Variants in CFAP20DC observed in about 807,000 individuals in gnomAD.
The protein encoded by CFAP20DC is CFAP20 domain containing.
In CFAP20DC, 84 loss-of-function variants were observed where a neutral mutation model predicts 101.7. That is an observed-to-expected ratio of 0.83 (90% CI 0.69 to 0.99). The LOEUF (loss-of-function observed/expected upper bound fraction) is 0.99, where lower values mean the gene tolerates loss of function less well. Among genes scored for constraint, CFAP20DC ranks in the 50% least tolerant of loss-of-function variants. The pLI, the probability that CFAP20DC is intolerant of heterozygous loss-of-function variation, is 0.00. For missense variants in CFAP20DC, 1,007 were observed against 970.3 expected (o/e 1.04, Z -0.50); for synonymous variants, 359 against 351.2 (o/e 1.02, Z -0.25).
chr3:58,725,268 G>A (rs1422611489), intron 3 of CFAP20DC, among the ~76,000 whole-genome samples: 2 of 152,206 alleles, frequency 1.3e-5, no homozygotes, highest in African/African-American at 2.4e-5. Context: ...CATCAGTGGA[G>A]AGCTCTGGCC....
At chr3:58,975,283 T>G (rs1170677804) in intron 4 of CFAP20DC, among the ~76,000 whole-genome samples, 1 of 152,210 alleles carries the variant, frequency 6.6e-6, no homozygotes, top group Non-Finnish European at 1.5e-5. Context: ...TTCAGAGTAC[T>G]TACCACAATT....
At chr3:58,826,137 A>G (rs1013668399) in intron 14 of CFAP20DC, among the ~76,000 whole-genome samples, 2 of 152,174 alleles carry the variant, frequency 1.3e-5, no homozygotes, top group Admixed American at 6.5e-5. Flanking sequence ...TCCTATTTGC[A>G]ATCAGGCCCT....
In CFAP20DC at chr3:58,861,025, T is replaced by A. The variant is rs1406823988; in HGVS notation, c.1593+2533A>T. Among the ~76,000 whole-genome samples, 1 of 152,170 alleles carries A rather than the reference T, an allele frequency of 6.6e-6. No individual in the cohort carries two copies. The highest frequency in any genetic ancestry group is 6.5e-5 in the Admixed American group (1 of 15,282). On this transcript the variant is annotated intron_variant, in intron 12 of 16. Coordinates refer to ENST00000482387, the MANE Select transcript of CFAP20DC (RefSeq NM_001394063.1). The surrounding 1 kb of genome is among the most constrained non-coding windows in gnomAD (Gnocchi z 4.0). ...GTTATATGCAAAAAATTCATACTTT[T>A]GAGGCTCCAACACTAAGATCTCAGA...
chr3:59,049,536 T>C (rs1277019271), intron 1 of CFAP20DC, 75 bp downstream of exon 1: 10 of 1,360,466 alleles, frequency 7.4e-6, no homozygotes, highest in African/African-American at 4.3e-5. Context: ...GTGCACTTTA[T>C]CCTCACCCCG....
intron 7 of CFAP20DC, among the ~76,000 whole-genome samples, chr3:58,876,778 C>T (rs2080788076): frequency 6.6e-6 from 1 of 152,154 alleles, no homozygotes; most frequent in Admixed American, 6.5e-5. Flanking sequence ...CATATCTAAT[C>T]ACTGAGGGGT....
intron 15 of CFAP20DC, among the ~76,000 whole-genome samples, chr3:58,761,016 C>T (rs2069526288): frequency 6.6e-6 from 1 of 152,082 alleles, no homozygotes; most frequent in African/African-American, 2.4e-5. Flanking sequence ...TGTGTCTCTG[C>T]CAGGCTTTGG....
intron 1 of CFAP20DC, among the ~76,000 whole-genome samples, chr3:59,048,569 A>G (rs993385305): frequency 6.6e-6 from 1 of 152,126 alleles, no homozygotes; most frequent in African/African-American, 2.4e-5. Flanking sequence ...TTTTTTTGAT[A>G]ATATATTTTA....
chr3:59,046,691 G>A (rs1699890565), intron 2 of CFAP20DC, among the ~76,000 whole-genome samples: 1 of 152,158 alleles, frequency 6.6e-6, no homozygotes, highest in Non-Finnish European at 1.5e-5. Context: ...TCCCAATGAA[G>A]TTGAAGAAGA....
At chr3:58,890,494 A>C (rs528710337) in intron 6 of CFAP20DC, among the ~76,000 whole-genome samples, 2 of 139,266 alleles carry the variant, frequency 1.4e-5, no homozygotes, top group African/African-American at 2.8e-5. Context: ...GGGGCTCCTC[A>C]CTTCCCAGTA....
At chr3:58,723,613 T>C (rs1442805229) in intron 3 of CFAP20DC, among the ~76,000 whole-genome samples, 1 of 152,208 alleles carries the variant, frequency 6.6e-6, no homozygotes, top group African/African-American at 2.4e-5. Flanking sequence ...TCTGGATGAA[T>C]GTGAGTGGTG....
At chr3:58,891,823 T>C (rs1270251840) in intron 6 of CFAP20DC, among the ~76,000 whole-genome samples, 2 of 152,240 alleles carry the variant, frequency 1.3e-5, no homozygotes, top group East Asian at 1.9e-4. Flanking sequence ...AGCCCATTTG[T>C]CTATTTTGAA....
intron 4 of CFAP20DC, among the ~76,000 whole-genome samples, chr3:58,969,123 T>C (rs1022957363): frequency 2.6e-5 from 4 of 152,182 alleles, no homozygotes; most frequent in African/African-American, 9.6e-5. Context: ...TGTAGTATAG[T>C]TGATGTCAGG....
intron 15 of CFAP20DC, among the ~76,000 whole-genome samples, chr3:58,762,743 A>C (rs2069772988): frequency 6.6e-6 from 1 of 151,340 alleles, no homozygotes; most frequent in African/African-American, 2.4e-5. Context: ...GTGGTGACAA[A>C]ATCTCTCAGC....
At chr3:58,800,873 T>A (rs1200554005) in intron 15 of CFAP20DC, among the ~76,000 whole-genome samples, 2 of 152,058 alleles carry the variant, frequency 1.3e-5, no homozygotes, top group African/African-American at 2.4e-5. Context: ...AGAAAAAAAA[T>A]CTGAAGTTTA....
At chr3:58,983,062 A>G (rs1283276133) in intron 4 of CFAP20DC, among the ~76,000 whole-genome samples, 2 of 152,216 alleles carry the variant, frequency 1.3e-5, no homozygotes, top group Non-Finnish European at 2.9e-5. Flanking sequence ...GTGGGGGGAA[A>G]GAATTTGAAG....
intron 15 of CFAP20DC, among the ~76,000 whole-genome samples, chr3:58,762,520 G>T (rs961144199): frequency 2.6e-5 from 4 of 152,086 alleles, no homozygotes; most frequent in African/African-American, 9.7e-5. Flanking sequence ...TTTAATTGGA[G>T]CATTTAGCCC....
chr3:58,808,736 G>C (rs1051054581), intron 14 of CFAP20DC, among the ~76,000 whole-genome samples: 6 of 152,108 alleles, frequency 3.9e-5, no homozygotes, highest in African/African-American at 1.4e-4. Context: ...AATGTAAATG[G>C]ACTAAATGCT....
intron 7 of CFAP20DC, among the ~76,000 whole-genome samples, chr3:58,880,306 G>C (rs1359381143): frequency 6.6e-6 from 1 of 152,040 alleles, no homozygotes; most frequent in East Asian, 1.9e-4. Flanking sequence ...CTATCAATGA[G>C]ATCATACTGA....
chr3:59,032,097 G>A (rs574681008), intron 4 of CFAP20DC, among the ~76,000 whole-genome samples: 1 of 152,250 alleles, frequency 6.6e-6, no homozygotes, highest in Non-Finnish European at 1.5e-5. Flanking sequence ...ACAAGGGTTC[G>A]GGGAACTCCT....
Sources: allele counts gnomAD v4.1 joint callset (sites outside exome capture counted in the v4.1 genomes callset), GRCh38; gene constraint gnomAD v4.1.1; non-coding constraint Gnocchi (gnomAD v3.1); transcripts MANE v1.5; gene names NCBI Gene and HGNC (gene_info 2026-07-23, HGNC 2026-07-21).